Variants in MTREX observed in about 807,000 individuals in gnomAD.
MTREX encodes Mtr4 exosome RNA helicase.
Under a neutral mutation model 135.4 loss-of-function variants are expected in MTREX, and 76 were observed. The ratio of observed to expected loss-of-function variants is 0.56; its 90% CI spans 0.47 to 0.68. The LOEUF is 0.68. MTREX is among the 30% of genes least tolerant of loss of function. The pLI is 0.00. For missense variants in MTREX, 920 were observed against 1,262.1 expected (o/e 0.73, Z 4.11); for synonymous variants, 404 against 401.6 (o/e 1.01, Z -0.07).
chr5:55,395,051 A>G (rs1283465528), intron 19 of MTREX, among the ~76,000 whole-genome samples: 2 of 151,554 alleles, frequency 1.3e-5, no homozygotes, highest in African/African-American at 4.9e-5. Flanking sequence ...AAAAGATAGT[A>G]AAGGATTTAT....
At chr5:55,336,840 T>G (rs1012936505) in intron 5 of MTREX, among the ~76,000 whole-genome samples, 4 of 152,206 alleles carry the variant, frequency 2.6e-5, no homozygotes, top group African/African-American at 9.6e-5. Context: ...TGGTTTATTC[T>G]AGACTTTTGT....
intron 16 of MTREX, 115 bp downstream of exon 16, chr5:55,366,990 G>A (rs879110349): frequency 7.2e-5 from 52 of 723,942 alleles, no homozygotes; most frequent in South Asian, 7.1e-4. Flanking sequence ...TGGTTCATAC[G>A]TAATGGACTG....
At chr5:55,384,958 T>C (rs1750454282) in intron 18 of MTREX, among the ~76,000 whole-genome samples, 1 of 152,170 alleles carries the variant, frequency 6.6e-6, no homozygotes, top group South Asian at 2.1e-4. Flanking sequence ...TTAGCCTATA[T>C]CTCCAATGAA....
intron 16 of MTREX, among the ~76,000 whole-genome samples, chr5:55,373,980 A>G (rs1267500881): frequency 1.3e-5 from 2 of 152,070 alleles, no homozygotes; most frequent in Non-Finnish European, 2.9e-5. Context: ...AATACAAAAA[A>G]TGCCAGGCAT....
intron 1 of MTREX, among the ~76,000 whole-genome samples, chr5:55,319,602 T>C (rs1749254515): frequency 6.6e-6 from 1 of 152,218 alleles, no homozygotes; most frequent in African/African-American, 2.4e-5. Context: ...CTAAGAAGAA[T>C]AACATTCTCA....
At chr5:55,343,511 T>G (rs1278680017) in intron 8 of MTREX, 56 bp downstream of exon 8, 1 of 1,481,678 alleles carries the variant, frequency 6.7e-7, no homozygotes, top group African/African-American at 1.4e-5. Context: ...CAGATTAGTC[T>G]TGCTTTACTC....
chr5:55,313,816 G>C lies in MTREX; in HGVS notation c.134+5669G>C, dbSNP rs576760210. On this transcript the variant is annotated intron_variant, in intron 1 of 26. Coordinates refer to ENST00000230640, the MANE Select transcript of MTREX (RefSeq NM_015360.5). ...TCTTCCATTTCCTCCCTCCCCTTTA[G>C]TTTTTGCTTTGTCTCTTTTCTTTTT... 3.9e-5 allele frequency among the ~76,000 whole-genome samples: 6 copies of C among 152,072 alleles called. No individual in the cohort carries two copies. The East Asian group carries it at 1.2e-3, about 29-fold the overall frequency.
At chr5:55,308,210 A>T in intron 1 of MTREX, 63 bp downstream of exon 1, 8 of 1,504,588 alleles carry the variant, frequency 5.3e-6, no homozygotes, top group East Asian at 2.3e-5. Flanking sequence ...AGAAAACACT[A>T]CTCTCTTAGG....
intron 11 of MTREX, among the ~76,000 whole-genome samples, chr5:55,348,165 A>G (rs993792753): frequency 1.3e-5 from 2 of 152,164 alleles, no homozygotes; most frequent in African/African-American, 4.8e-5. Context: ...GACCCAGCAC[A>G]TCTAGTGAGG....
At chr5:55,346,167 T>C (rs558056969) in intron 10 of MTREX, among the ~76,000 whole-genome samples, 1 of 152,346 alleles carries the variant, frequency 6.6e-6, no homozygotes, top group Admixed American at 6.5e-5. Flanking sequence ...ATAGGTGTTT[T>C]CCTCTGGATA....
At chr5:55,370,221 C>T (rs1750174549) in intron 16 of MTREX, among the ~76,000 whole-genome samples, 2 of 152,160 alleles carry the variant, frequency 1.3e-5, no homozygotes, top group South Asian at 4.1e-4. Flanking sequence ...CTGTGCCTGG[C>T]CCTGATTATC....
At chr5:55,389,742 T>C (rs1379544283) in intron 19 of MTREX, among the ~76,000 whole-genome samples, 2 of 152,134 alleles carry the variant, frequency 1.3e-5, no homozygotes, top group Non-Finnish European at 2.9e-5. Context: ...GAACTTCACA[T>C]TTTTCTGTTC....
chr5:55,319,013 G>T (rs906215540), intron 1 of MTREX, among the ~76,000 whole-genome samples: 1 of 151,926 alleles, frequency 6.6e-6, no homozygotes, highest in Non-Finnish European at 1.5e-5. Flanking sequence ...ACTTTACCAC[G>T]TTTACTTTAT....
chr5:55,390,138 C>CT (rs1397602011), intron 19 of MTREX, among the ~76,000 whole-genome samples: 1 of 152,020 alleles, frequency 6.6e-6, no homozygotes, highest in Non-Finnish European at 1.5e-5. Flanking sequence ...GAGTCTCGCT[C>CT]TGTCACCAGG....
intron 19 of MTREX, among the ~76,000 whole-genome samples, chr5:55,389,445 C>T (rs1429355926): frequency 1.3e-5 from 2 of 152,092 alleles, no homozygotes; most frequent in African/African-American, 4.8e-5. Flanking sequence ...GCTCCTGTAG[C>T]ATTTTTTGTT....
intron 19 of MTREX, among the ~76,000 whole-genome samples, chr5:55,394,276 A>C (rs1390085425): frequency 1.3e-5 from 2 of 152,216 alleles, no homozygotes; most frequent in Non-Finnish European, 2.9e-5. Context: ...TGGTATTGAT[A>C]ATTTTTCATG....
At chr5:55,337,010 T>G (rs1413376204) in intron 5 of MTREX, among the ~76,000 whole-genome samples, 1 of 152,204 alleles carries the variant, frequency 6.6e-6, no homozygotes, top group Non-Finnish European at 1.5e-5. Context: ...TTTGATAGAA[T>G]TTACTAGTGA....
intron 5 of MTREX, among the ~76,000 whole-genome samples, chr5:55,335,266 C>T (rs1579854887): frequency 6.6e-6 from 1 of 151,928 alleles, no homozygotes; most frequent in East Asian, 1.9e-4. Flanking sequence ...CATTCTGTGG[C>T]TTGTCTCAAT....
intron 1 of MTREX, among the ~76,000 whole-genome samples, chr5:55,320,436 C>T (rs1197925629): frequency 6.6e-6 from 1 of 152,088 alleles, no homozygotes; most frequent in Non-Finnish European, 1.5e-5. Context: ...CCAGGATGGT[C>T]TCAATCTCCT....
Sources: allele counts gnomAD v4.1 joint callset (sites outside exome capture counted in the v4.1 genomes callset), GRCh38; gene constraint gnomAD v4.1.1; transcripts MANE v1.5; gene names NCBI Gene and HGNC (gene_info 2026-07-23, HGNC 2026-07-21).